Variants in THRA observed in about 807,000 individuals in gnomAD.
THRA encodes the protein thyroid hormone receptor alpha, also known as EAR-7.
THRA carries 13 observed loss-of-function variants against 45.0 expected under a neutral mutation model. That is an observed-to-expected ratio of 0.29 (90% CI 0.19 to 0.46). THRA has a LOEUF of 0.46. Among genes scored for constraint, THRA ranks in the 20% least tolerant of loss-of-function variants. The pLI is 1.00. For missense variants in THRA, 278 were observed against 556.1 expected, an observed-to-expected ratio of 0.50 and a Z score of 5.03; for synonymous variants, 195 against 214.0, an observed-to-expected ratio of 0.91 and a Z score of 0.78.
At chr17:40,071,623 C>G (rs1408249262) in intron 1 of THRA, among the ~76,000 whole-genome samples, 2 of 152,354 alleles carry the variant, frequency 1.3e-5, no homozygotes, top group African/African-American at 2.4e-5. Flanking sequence ...CTCCTTGGGG[C>G]AGGGCCTCCC....
Position 40,089,215 on chromosome 17 carries a change from G to T in THRA, c.992G>T (p.Gly331Val). The change falls in exon 9 of 9, where the codon GGC (glycine) becomes GTC (valine). Residue 331 changes from glycine (G) to valine (V), a missense_variant. Physicochemically the swap from Gly to Val is moderately radical, Grantham distance 109. This residue lies in a region of THRA where 66 missense variants were observed against 94.7 expected (regional missense o/e 0.70). Coordinates refer to ENST00000450525, the MANE Select transcript of THRA (RefSeq NM_199334.5). This position sits in a 1 kb window ranked among gnomAD's most constrained non-coding sequence, Gnocchi z 6.1. ...CCCTCTTCCCTCACAGACCGCTCGG[G>T]CCTGCTGTGTGTGGACAAGATCGAG... is the stretch of plus-strand genomic sequence containing the variant. ...AVLLMSTDRS[G>V]LLCVDKIEKS... The T allele has an allele frequency of 6.2e-7, 1 of 1,613,750 alleles. No individual in the cohort carries two copies. The highest frequency in any genetic ancestry group is 8.5e-7 in the Non-Finnish European group (1 of 1,179,980).
chr17:40,088,174 C>A, intron 7 of THRA, 68 bp from the exon 8 acceptor site: 1 of 1,535,994 alleles, frequency 6.5e-7, no homozygotes, highest in Non-Finnish European at 8.8e-7. Flanking sequence ...CCGTAGGACA[C>A]TCTAGGGGAG....
rs1351499911 is a variant in THRA at position 40,063,052 on chromosome 17, C to G, written c.-338C>G. The stretch of plus-strand genomic sequence containing the variant: ...GCCCCCAGCACGGGGCGCTGAGACC[C>G]CCGCGTCGCTGCCCAGCCCGGTCCG... On this transcript the variant is annotated 5_prime_UTR_variant, in exon 1 of 9. Transcript: ENST00000450525. 1 of 151,918 alleles carries G rather than the reference C, an allele frequency of 6.6e-6. No individual in the cohort carries two copies. Among genetic ancestry groups the G allele is most frequent in the East Asian group, 1.9e-4 (1 of 5,174 alleles). The allele number at this position is 151,918 out of a possible 1,614,324, so 9.4% of individuals were successfully genotyped here.
intron 4 of THRA, among the ~76,000 whole-genome samples, chr17:40,080,508 G>A (rs1439324575): frequency 2.6e-5 from 4 of 151,968 alleles, no homozygotes; most frequent in African/African-American, 7.3e-5. Flanking sequence ...GAGGGATTTA[G>A]AGTTCCCTAG....
At chr17:40,062,371 G>A (rs1475611619), upstream of THRA, 1 of 152,120 alleles carries the variant, frequency 6.6e-6, no homozygotes, top group Middle Eastern at 3.2e-3. Flanking sequence ...AAGTTAAAAG[G>A]ACATCAGGGG....
At chr17:40,066,096 C>T (rs1391448016) in intron 1 of THRA, among the ~76,000 whole-genome samples, 2 of 152,218 alleles carry the variant, frequency 1.3e-5, no homozygotes, top group Non-Finnish European at 2.9e-5. Context: ...GTTCTGAGGG[C>T]ACAGCTGCCT....
intron 4 of THRA, among the ~76,000 whole-genome samples, chr17:40,078,788 A>G (rs1348706621): frequency 1.4e-5 from 2 of 143,922 alleles, no homozygotes; most frequent in African/African-American, 5.2e-5. Context: ...TTGGAGTGCA[A>G]TGGTGTGATC....
chr17:40,086,703 C>T lies in THRA; in HGVS notation c.577-4C>T, dbSNP rs188965373. 9.2e-4 allele frequency: 1,480 copies of T among 1,613,744 alleles called. 1 individual carries two copies. The highest frequency in any genetic ancestry group is 4.1e-3 in the Middle Eastern group (25 of 6,056). On this transcript the variant is annotated splice_region_variant and splice_polypyrimidine_tract_variant and intron_variant, in intron 6 of 8. Coordinates refer to ENST00000450525, the MANE Select transcript of THRA (RefSeq NM_199334.5). ...CCCCAGCTGACCCCCGTCTTTCTCT[C>T]TAGCCCGATGACATTGGCCAGTCAC...
rs1987000546 is a variant in THRA, at chr17:40,077,706, T to G, written c.222+98T>G. 16 of 1,009,828 alleles carry G rather than the reference T, an allele frequency of 1.6e-5. No individual in the cohort carries two copies. The South Asian group carries it at 2.4e-4, about 15-fold the overall frequency. The allele number at this position is 1,009,828 out of a possible 1,614,324, so 62.6% of individuals were successfully genotyped here. On this transcript the variant is annotated intron_variant, in intron 4 of 8. Coordinates refer to ENST00000450525, the MANE Select transcript of THRA (RefSeq NM_199334.5). ...GCCTGTTAGGTCATCACTTTTTTTT[T>G]TTTTCTTTGAGACGGAGTCTCACTC...
At chr17:40,063,433 C>G (rs546265258) in intron 1 of THRA, among the ~76,000 whole-genome samples, 3 of 152,216 alleles carry the variant, frequency 2.0e-5, no homozygotes, top group South Asian at 2.1e-4. Context: ...CGCCGGAGCT[C>G]CCCCGCCCGC....
Position 40,089,945 on chromosome 17 carries a change from T to A in THRA, c.*489T>A, listed in dbSNP as rs1448734320. The A allele has an allele frequency of 1.0e-6, 1 of 993,864 alleles. No individual in the cohort carries two copies. The highest frequency in any genetic ancestry group is 4.5e-5 in the South Asian group (1 of 21,996). 61.6% of individuals were successfully genotyped at this position (993,864 alleles called of 1,614,324 possible). A position where few individuals can be genotyped will look rare whatever the true frequency, so the allele number is the denominator to read the frequency against. On this transcript the variant is annotated 3_prime_UTR_variant, in exon 9 of 9. Coordinates refer to ENST00000450525, the MANE Select transcript of THRA (RefSeq NM_199334.5). The surrounding 1 kb of genome is among the most constrained non-coding windows in gnomAD (Gnocchi z 6.1). ...GGTGCAAAGAACGGCTTGGCTTGGC[T>A]CCTCCTCTGGAGGTTAAAATTTATA...
chr17:40,083,037 C>G (rs1450758417), intron 4 of THRA, among the ~76,000 whole-genome samples: 1 of 150,684 alleles, frequency 6.6e-6, no homozygotes, highest in African/African-American at 2.4e-5. Flanking sequence ...ACGCCATTCT[C>G]CTGCCTCAGC....
intron 2 of THRA, among the ~76,000 whole-genome samples, chr17:40,075,766 A>T (rs925698211): frequency 6.6e-6 from 1 of 152,190 alleles, no homozygotes; most frequent in African/African-American, 2.4e-5. Flanking sequence ...CGCTAGCTCA[A>T]CTGGGGCCTA....
intron 1 of THRA, among the ~76,000 whole-genome samples, chr17:40,066,236 C>A (rs940004371): frequency 6.6e-5 from 10 of 152,164 alleles, no homozygotes; most frequent in African/African-American, 2.2e-4. Context: ...CCGGGGGCAC[C>A]AAGCACTTCT....
At chr17:40,087,909 C>T (rs1212041042) in intron 7 of THRA, among the ~76,000 whole-genome samples, 5 of 152,194 alleles carry the variant, frequency 3.3e-5, no homozygotes, top group African/African-American at 7.2e-5. Context: ...CAGGCATGTG[C>T]CACCACGCCC....
At chr17:40,078,428 C>G (rs148620318) in intron 4 of THRA, among the ~76,000 whole-genome samples, 1 of 152,204 alleles carries the variant, frequency 6.6e-6, no homozygotes, top group Non-Finnish European at 1.5e-5. Flanking sequence ...CTGCATTGAA[C>G]GGTGGTGGCG....
chr17:40,066,061 C>T (rs1986551458), intron 1 of THRA, among the ~76,000 whole-genome samples: 1 of 152,200 alleles, frequency 6.6e-6, no homozygotes, highest in East Asian at 1.9e-4. Flanking sequence ...ACAGCTGTGT[C>T]CTTTTTGCCC....
At chr17:40,087,124 C>T (rs1987348248) in intron 7 of THRA, 1 of 428,864 alleles carries the variant, frequency 2.3e-6, no homozygotes, top group African/African-American at 2.1e-5. Context: ...ATACACCCAG[C>T]ACACAGACAC....
chr17:40,088,135 C>T, intron 7 of THRA, 107 bp from the exon 8 acceptor site: 1 of 1,442,448 alleles, frequency 6.9e-7, no homozygotes, highest in African/African-American at 1.4e-5. Flanking sequence ...CGTTCAGAGT[C>T]CATGGGGGCC....
Sources: gnomAD v4.1 joint callset for allele counts (sites outside exome capture counted in the v4.1 genomes callset) on GRCh38, gnomAD v4.1.1 for gene constraint, gnomAD v4.1.1 regional missense constraint, Gnocchi (gnomAD v3.1) non-coding constraint, MANE v1.5 for transcripts, NCBI Gene and HGNC (gene_info 2026-07-23, HGNC 2026-07-21) for gene names.